ADAMTS19: variants seen among roughly 807,000 people sequenced by gnomAD.
ADAMTS19 encodes A disintegrin and metalloproteinase with thrombospondin motifs 19.
Under a neutral mutation model 153.3 loss-of-function variants are expected in ADAMTS19, and 93 were observed. The ratio of observed to expected loss-of-function variants is 0.61; its 90% CI spans 0.51 to 0.72. ADAMTS19 has a LOEUF of 0.72. Ranked by LOEUF, ADAMTS19 falls within the 30% of genes least tolerant of loss-of-function variation. ADAMTS19 has a pLI of 0.00. For missense variants in ADAMTS19, 1,482 were observed against 1,552.1 expected (o/e 0.95, Z 0.76); for synonymous variants, 600 against 556.6 (o/e 1.08, Z -1.10).
chr5:129,517,505 T>G (rs1751653830), intron 3 of ADAMTS19, among the ~76,000 whole-genome samples: 1 of 151,990 alleles, frequency 6.6e-6, no homozygotes, highest in Non-Finnish European at 1.5e-5. Flanking sequence ...TGTTATATCC[T>G]CTTGTTGAAT....
chr5:129,488,906 C>T (rs535373600), intron 2 of ADAMTS19, among the ~76,000 whole-genome samples: 18 of 152,096 alleles, frequency 1.2e-4, no homozygotes, highest in Admixed American at 3.9e-4. Context: ...TCTTAGCATA[C>T]GTTGGGATGC....
intron 18 of ADAMTS19, among the ~76,000 whole-genome samples, chr5:129,690,268 A>G (rs941159316): frequency 3.3e-5 from 5 of 152,242 alleles, no homozygotes; most frequent in Admixed American, 2.0e-4. Context: ...CTCGGTGCAA[A>G]GGCACCCACG....
At chr5:129,632,893 G>C (rs1393933234) in intron 10 of ADAMTS19, among the ~76,000 whole-genome samples, 1 of 152,040 alleles carries the variant, frequency 6.6e-6, no homozygotes, top group Non-Finnish European at 1.5e-5. Context: ...TATCCCATTA[G>C]AGGATTGTTG....
intron 3 of ADAMTS19, among the ~76,000 whole-genome samples, chr5:129,513,201 C>T (rs1249647416): frequency 6.7e-6 from 1 of 148,298 alleles, no homozygotes; most frequent in Non-Finnish European, 1.5e-5. Flanking sequence ...CAAGTAACAA[C>T]TAAAAAAAAA....
chr5:129,555,215 C>G (rs1753273527), intron 7 of ADAMTS19, among the ~76,000 whole-genome samples: 1 of 151,984 alleles, frequency 6.6e-6, no homozygotes, highest in Non-Finnish European at 1.5e-5. Flanking sequence ...AGATGCTTCT[C>G]CCTATTCTCC....
intron 18 of ADAMTS19, among the ~76,000 whole-genome samples, chr5:129,691,773 CAT>C (rs930227808): frequency 1.3e-5 from 2 of 152,128 alleles, no homozygotes; most frequent in African/African-American, 4.8e-5. Context: ...AAACTACTAA[CAT>C]GTCCCTAAAA....
chr5:129,470,302 T>G lies in ADAMTS19; in HGVS notation c.747+8545T>G, dbSNP rs140204486. Among the ~76,000 whole-genome samples, 735 of 152,352 alleles carry G rather than the reference T, an allele frequency of 4.8e-3. 4 individuals are homozygous for G. Among genetic ancestry groups the G allele is most frequent in the Non-Finnish European group, 6.8e-3 (461 of 68,028 alleles). On this transcript the variant is annotated intron_variant, in intron 2 of 22. Transcript: ENST00000274487. ...GTTTCCACTTATTTGCAATTACATT[T>G]TTAACCCAGAGGGTTTTATGTCTTT...
chr5:129,497,525 A>G (rs558769434), intron 2 of ADAMTS19, among the ~76,000 whole-genome samples: 99 of 152,254 alleles, frequency 6.5e-4, no homozygotes, highest in Non-Finnish European at 1.3e-3. Flanking sequence ...ATCAGAGCTG[A>G]TAAGTGCTCA....
rs1372461338 is a variant in ADAMTS19 at position 129,701,394 on chromosome 5, G to A, written c.2961G>A (p.Met987Ile). 1 of 1,614,190 alleles carries A rather than the reference G, an allele frequency of 6.2e-7. No homozygotes were observed. The highest frequency in any genetic ancestry group is 1.7e-5 in the Admixed American group (1 of 60,022). Residue 987 changes from methionine (M) to isoleucine (I), a missense_variant, in exon 20 of 23, where the codon ATG becomes ATA. This residue lies in a region of ADAMTS19 where 616 missense variants were observed against 724.4 expected (regional missense o/e 0.85). Transcript: ENST00000274487. ...ACTCTTGCTTTACTTTCAGGTGGAT[G>A]ATGACAGAATGGACCCCTTGTTCAC... ...CNEQPCQTRW[M>I]MTEWTPCSRT... is the part of the protein sequence containing the mutation.
At chr5:129,524,632 G>C (rs1487844594) in intron 3 of ADAMTS19, among the ~76,000 whole-genome samples, 4 of 150,694 alleles carry the variant, frequency 2.7e-5, no homozygotes, top group African/African-American at 9.7e-5. Flanking sequence ...ACATCAAAAA[G>C]TGGCCAAAAG....
Position 129,665,524 on chromosome 5 carries a change from T to C in ADAMTS19, c.2451T>C (p.Pro817=), listed in dbSNP as rs776528407. The change falls in exon 16 of 23, where the codon CCT becomes CCC. Residue 817 remains proline, a synonymous_variant. Transcript: ENST00000274487. ...GTTATGTAGAAGTGCTGGTGATACC[T>C]GCTGGAGCAAGAAGAATCAAAGTTG... ...GAGYVEVLVI[P]AGARRIKVVE... 1 of 1,610,708 alleles carries C rather than the reference T, an allele frequency of 6.2e-7. No individual in the cohort carries two copies. Among genetic ancestry groups the C allele is most frequent in the East Asian group, 2.2e-5 (1 of 44,742 alleles).
At chr5:129,647,214 G>GAAA (rs34958335) in intron 11 of ADAMTS19, among the ~76,000 whole-genome samples, 41 of 102,282 alleles carry the variant, frequency 4.0e-4, no homozygotes, top group African/African-American at 1.2e-3. Flanking sequence ...AATTCTTTCA[G>GAAA]AAAAAAAAAA....
intron 10 of ADAMTS19, among the ~76,000 whole-genome samples, chr5:129,637,086 G>A (rs1217227721): frequency 6.6e-6 from 1 of 151,832 alleles, no homozygotes; most frequent in Non-Finnish European, 1.5e-5. Context: ...TTACACTGAT[G>A]TCAAGATGTC....
intron 21 of ADAMTS19, among the ~76,000 whole-genome samples, chr5:129,730,550 A>G (rs115916494): frequency 0.016 from 2,389 of 152,288 alleles, 59 homozygotes; most frequent in African/African-American, 0.053. Flanking sequence ...TACCATGCAA[A>G]TAGTAATACA....
intron 16 of ADAMTS19, among the ~76,000 whole-genome samples, chr5:129,671,652 G>T (rs1485775197): frequency 6.6e-6 from 1 of 151,954 alleles, no homozygotes. Flanking sequence ...TACAATTATT[G>T]TTTTTCATCA....
At chr5:129,503,879 T>C (rs985961529) in intron 2 of ADAMTS19, among the ~76,000 whole-genome samples, 1 of 152,038 alleles carries the variant, frequency 6.6e-6, no homozygotes, top group African/African-American at 2.4e-5. Flanking sequence ...GCATCAGACA[T>C]TTGTCTAACA....
At chr5:129,720,726 A>C (rs546206836) in intron 21 of ADAMTS19, among the ~76,000 whole-genome samples, 1 of 152,226 alleles carries the variant, frequency 6.6e-6, no homozygotes, top group Admixed American at 6.5e-5. Flanking sequence ...GTCAATGGAA[A>C]GAATGAGTGT....
chr5:129,521,210 T>G (rs1751786022), intron 3 of ADAMTS19, among the ~76,000 whole-genome samples: 1 of 152,180 alleles, frequency 6.6e-6, no homozygotes, highest in Non-Finnish European at 1.5e-5. Flanking sequence ...ACTCTAGGTT[T>G]TAGTAAATTT....
intron 6 of ADAMTS19, among the ~76,000 whole-genome samples, chr5:129,549,762 C>A (rs1431184571): frequency 1.3e-5 from 2 of 149,874 alleles, no homozygotes; most frequent in East Asian, 3.9e-4. Context: ...TTCTAATATG[C>A]AAGGAACATT....
Sources: gnomAD v4.1 joint callset for allele counts (sites outside exome capture counted in the v4.1 genomes callset) on GRCh38, gnomAD v4.1.1 for gene constraint, gnomAD v4.1.1 regional missense constraint, MANE v1.5 for transcripts, NCBI Gene and HGNC (gene_info 2026-07-23, HGNC 2026-07-21) for gene names.